The following SORCS1 variants were observed in gnomAD, a reference collection of about 807,000 sequenced individuals.
SORCS1 encodes the protein VPS10 domain-containing receptor SorCS1.
SORCS1 carries 60 observed loss-of-function variants against 146.1 expected under a neutral mutation model. The observed-to-expected ratio is 0.41, with a 90% CI of 0.33 to 0.51. The LOEUF is 0.51. Ranked by LOEUF, SORCS1 falls within the 20% of genes least tolerant of loss-of-function variation. SORCS1 has a pLI of 0.21. For synonymous variants in SORCS1, 637 were observed against 584.0 expected (o/e 1.09, Z -1.31); for missense variants, 1,352 against 1,487.6 (o/e 0.91, Z 1.50).
In SORCS1 at chr10:106,615,062, T is replaced by C. The variant is rs576887574; in HGVS notation, c.2921-3039A>G. ...CCCATCATGACAATAGGACTTCATG[T>C]TCCCATCAATCTCACTAAATTTCAA... On this transcript the variant is annotated intron_variant, in intron 21 of 25. Transcript: ENST00000263054. 2.6e-5 allele frequency among the ~76,000 whole-genome samples: 4 copies of C among 151,990 alleles called. No individual in the cohort carries two copies. The South Asian group carries it at 6.2e-4, about 24-fold the overall frequency.
chr10:107,094,072 A>C (rs1964389005), intron 1 of SORCS1, among the ~76,000 whole-genome samples: 1 of 152,014 alleles, frequency 6.6e-6, no homozygotes, highest in African/African-American at 2.4e-5. Context: ...ATTCTCCCTT[A>C]CTTTATTTTC....
intron 2 of SORCS1, among the ~76,000 whole-genome samples, chr10:106,894,996 T>C (rs573572349): frequency 6.6e-6 from 1 of 152,324 alleles, no homozygotes; most frequent in African/African-American, 2.4e-5. Context: ...TCATGATTGA[T>C]ATAAACCAGA....
At chr10:106,707,918 T>G (rs1421579064) in intron 7 of SORCS1, among the ~76,000 whole-genome samples, 2 of 152,112 alleles carry the variant, frequency 1.3e-5, no homozygotes, top group African/African-American at 2.4e-5. Context: ...TTCATCACAT[T>G]AGGAATGTGA....
intron 1 of SORCS1, among the ~76,000 whole-genome samples, chr10:107,008,350 T>C (rs1957543157): frequency 6.6e-6 from 1 of 152,228 alleles, no homozygotes; most frequent in Non-Finnish European, 1.5e-5. Context: ...CATTTTTATA[T>C]AAAACACAAA....
intron 19 of SORCS1, among the ~76,000 whole-genome samples, chr10:106,624,633 T>C (rs1023510220): frequency 6.6e-6 from 1 of 152,192 alleles, no homozygotes; most frequent in African/African-American, 2.4e-5. Flanking sequence ...AGTGCTGGGA[T>C]TACAGGCATG....
chr10:107,167,205 C>T (rs1197981049), upstream of SORCS1, among the ~76,000 whole-genome samples: 2 of 152,184 alleles, frequency 1.3e-5, no homozygotes, highest in Non-Finnish European at 2.9e-5. Context: ...CTCTGCTCCC[C>T]GTTTACTTTT....
chr10:107,156,415 G>T (rs373982536), intron 1 of SORCS1, among the ~76,000 whole-genome samples: 2 of 152,276 alleles, frequency 1.3e-5, no homozygotes. Context: ...ATAATCAAGT[G>T]AAATCATGTG....
Position 107,061,316 on chromosome 10 carries a change from TATCA to T in SORCS1, c.558+102649_558+102652del, listed in dbSNP as rs1192172083. 2.6e-5 allele frequency among the ~76,000 whole-genome samples: 4 copies of T among 152,160 alleles called. No individual in the cohort carries two copies. The East Asian group carries it at 7.7e-4, about 29-fold the overall frequency. On this transcript the variant is annotated intron_variant, in intron 1 of 25. Transcript: ENST00000263054. Reference sequence around the variant, plus strand: ...AATTCCCAAGCAAACATTAGTATGGTATCATAACAAAAAACTACATATCTAATTA... The same window carrying T: ...AATTCCCAAGCAAACATTAGTATGGTTAACAAAAAACTACATATCTAATTA...
chr10:106,948,138 T>C (rs1954456015), intron 2 of SORCS1, among the ~76,000 whole-genome samples: 2 of 151,954 alleles, frequency 1.3e-5, no homozygotes, highest in South Asian at 4.2e-4. Context: ...CTTAAACAAA[T>C]GAAAAAGTAG....
intron 2 of SORCS1, among the ~76,000 whole-genome samples, chr10:106,947,968 A>C (rs533785269): frequency 4.3e-4 from 65 of 152,328 alleles, no homozygotes; most frequent in African/African-American, 1.5e-3. Context: ...TTAAGCATGC[A>C]GTTGTTTAAT....
At chr10:107,110,423 A>G (rs1305267302) in intron 1 of SORCS1, among the ~76,000 whole-genome samples, 1 of 152,178 alleles carries the variant, frequency 6.6e-6, no homozygotes, top group Non-Finnish European at 1.5e-5. Flanking sequence ...GTGAAGCCTC[A>G]GGGAGCTTTC....
At chr10:106,821,697 G>A (rs978530199) in intron 3 of SORCS1, among the ~76,000 whole-genome samples, 2 of 152,066 alleles carry the variant, frequency 1.3e-5, no homozygotes, top group Admixed American at 6.6e-5. Context: ...CGAGGCGGGC[G>A]GATCCCGAGG....
intron 2 of SORCS1, among the ~76,000 whole-genome samples, chr10:106,905,522 CCTGTTCAAGA>C (rs1414318256): frequency 6.6e-6 from 1 of 152,074 alleles, no homozygotes; most frequent in Non-Finnish European, 1.5e-5. Context: ...CCTACATTGC[CCTGTTCAAGA>C]AAAGTTTGTA....
At chr10:106,782,323 T>A (rs774349240) in intron 3 of SORCS1, among the ~76,000 whole-genome samples, 11 of 152,180 alleles carry the variant, frequency 7.2e-5, no homozygotes, top group Non-Finnish European at 1.5e-4. Flanking sequence ...TGGAGTGCAG[T>A]TGAATGATCA....
intron 2 of SORCS1, among the ~76,000 whole-genome samples, chr10:106,903,651 C>G (rs559321980): frequency 6.6e-6 from 1 of 152,166 alleles, no homozygotes; most frequent in Non-Finnish European, 1.5e-5. Flanking sequence ...GGGAAAGCAA[C>G]AAGAAACCAA....
In SORCS1 at chr10:107,035,899, C is replaced by A. The variant is rs537160586; in HGVS notation, c.559-79319G>T. On this transcript the variant is annotated intron_variant, in intron 1 of 25. Transcript: ENST00000263054. Reference sequence around the variant, plus strand: ...TTTTATATCTCAATATTATATATTACAAACAATATATAAAAATATATATTA... The same window carrying A: ...TTTTATATCTCAATATTATATATTAAAAACAATATATAAAAATATATATTA... 1.2e-4 allele frequency among the ~76,000 whole-genome samples: 18 copies of A among 149,274 alleles called. No individual in the cohort carries two copies. The East Asian group carries it at 3.3e-3, about 27-fold the overall frequency.
At chr10:106,854,045 G>A (rs182713208) in intron 2 of SORCS1, among the ~76,000 whole-genome samples, 39 of 151,416 alleles carry the variant, frequency 2.6e-4, no homozygotes, top group African/African-American at 9.2e-4. Flanking sequence ...TTTGAAAGAC[G>A]ATGTTAAGGT....
In SORCS1 at chr10:106,866,443, T is replaced by G. The variant is rs1469014479; in HGVS notation, c.627-36770A>C. Reference sequence around the variant, plus strand: ...TCTGGGGTAGAGTCCCCAGGAGACATGCAAAAGACCTTTAGCCACACCACT... The same window carrying G: ...TCTGGGGTAGAGTCCCCAGGAGACAGGCAAAAGACCTTTAGCCACACCACT... On this transcript the variant is annotated intron_variant, in intron 2 of 25. Transcript: ENST00000263054. 2.0e-5 allele frequency among the ~76,000 whole-genome samples: 3 copies of G among 152,300 alleles called. No homozygotes were observed. The East Asian group carries it at 5.8e-4, about 29-fold the overall frequency.
the SORCS1 span, among the ~76,000 whole-genome samples, chr10:107,177,136 A>G: frequency 6.6e-6 from 1 of 152,046 alleles, no homozygotes; most frequent in Non-Finnish European, 1.5e-5. Context: ...GACTTTGTAT[A>G]TTAATATAGT....
Sources: gnomAD v4.1 joint callset for allele counts (sites outside exome capture counted in the v4.1 genomes callset) on GRCh38, gnomAD v4.1.1 for gene constraint, MANE v1.5 for transcripts, NCBI Gene and HGNC (gene_info 2026-07-23, HGNC 2026-07-21) for gene names.